TLK1: variants seen among roughly 807,000 people sequenced by gnomAD.
TLK1 encodes tousled like kinase 1.
A neutral mutation model predicts 105.3 loss-of-function variants in TLK1; 24 were observed. The observed-to-expected ratio is 0.23, with a 90% CI of 0.17 to 0.32. The LOEUF (loss-of-function observed/expected upper bound fraction) is 0.32. TLK1 is among the 10% of genes least tolerant of loss of function. The pLI is 1.00. For synonymous variants in TLK1, 321 were observed against 310.4 expected, an observed-to-expected ratio of 1.03 and a Z score of -0.36; for missense variants, 558 against 910.5, an observed-to-expected ratio of 0.61 and a Z score of 4.98.
At chr2:171,037,153 C>A (rs557799816) in intron 11 of TLK1, among the ~76,000 whole-genome samples, 2 of 152,092 alleles carry the variant, frequency 1.3e-5, no homozygotes, top group Non-Finnish European at 2.9e-5. Context: ...TATTAAGAAG[C>A]ATGATGGGCC....
rs575052200 is a variant in TLK1, at chr2:171,038,800, G to T, written c.1169+7374C>A. On this transcript the variant is annotated intron_variant, in intron 11 of 20. Transcript: ENST00000431350. ...TTTTTAAAAGAACATGTATTCTGCA[G>T]ATGTTGGGAGGTATTCTATATATGT... 2.0e-5 allele frequency among the ~76,000 whole-genome samples: 3 copies of T among 152,280 alleles called. No individual in the cohort carries two copies. In the East Asian group the frequency reaches 5.8e-4, roughly 29 times the overall value.
At chr2:171,151,257 C>T (rs895137307) in intron 1 of TLK1, among the ~76,000 whole-genome samples, 1 of 151,682 alleles carries the variant, frequency 6.6e-6, no homozygotes, top group Non-Finnish European at 1.5e-5. Flanking sequence ...GCGCTCAAGC[C>T]ATCTGCCCAC....
chr2:171,136,545 G>A (rs988128660), intron 1 of TLK1, among the ~76,000 whole-genome samples: 2 of 152,100 alleles, frequency 1.3e-5, no homozygotes, highest in African/African-American at 2.4e-5. Flanking sequence ...GTGAGACGCT[G>A]TCTCAAAAAA....
At chr2:171,062,460 T>TA (rs1356244673) in intron 3 of TLK1, among the ~76,000 whole-genome samples, 1 of 152,198 alleles carries the variant, frequency 6.6e-6, no homozygotes, top group Non-Finnish European at 1.5e-5. Context: ...CTTGAGTATT[T>TA]AAAGTTCTCC....
intron 1 of TLK1, among the ~76,000 whole-genome samples, chr2:171,181,324 A>T (rs1289206290): frequency 6.6e-6 from 1 of 152,198 alleles, no homozygotes; most frequent in African/African-American, 2.4e-5. Context: ...ACTCTGAAGC[A>T]TCTGAGAAAT....
In TLK1 at chr2:171,160,154, G is replaced by A. The variant is rs1692407594; in HGVS notation, c.139+136C>T. On this transcript the variant is annotated intron_variant, in intron 1 of 20. Coordinates refer to ENST00000431350, the MANE Select transcript of TLK1 (RefSeq NM_012290.5). The surrounding 1 kb of genome is among the most constrained non-coding windows in gnomAD (Gnocchi z 4.4). ...CAGAGCCGGGGAGCCGGGCGGCCTCGCGTCCACCTCGCCACCATCCCCCAC... is the reference window on the plus strand; with the variant it reads ...CAGAGCCGGGGAGCCGGGCGGCCTCACGTCCACCTCGCCACCATCCCCCAC... The A allele has an allele frequency of 1.1e-5, 11 of 1,015,352 alleles. No individual in the cohort carries two copies. The highest frequency in any genetic ancestry group is 1.0e-5 in the Non-Finnish European group (8 of 787,974). The allele number at this position is 1,015,352 out of a possible 1,614,324, so 62.9% of individuals were successfully genotyped here.
intron 14 of TLK1, among the ~76,000 whole-genome samples, chr2:171,011,153 G>A (rs1009164390): frequency 1.1e-4 from 17 of 151,854 alleles, no homozygotes; most frequent in Admixed American, 3.9e-4. Context: ...ACATGTGTGC[G>A]CCACCACACC....
At chr2:171,094,800 G>A (rs1273772573) in intron 2 of TLK1, among the ~76,000 whole-genome samples, 1 of 152,060 alleles carries the variant, frequency 6.6e-6, no homozygotes, top group Non-Finnish European at 1.5e-5. Context: ...TAGAGACAGG[G>A]TTTCACCATG....
At chr2:171,014,739 T>C in intron 13 of TLK1, 112 bp downstream of exon 13, 1 of 803,894 alleles carries the variant, frequency 1.2e-6, no homozygotes, top group Non-Finnish European at 2.0e-6. Flanking sequence ...GGACTTTGGA[T>C]CTTTTCTAAG....
chr2:171,173,770 T>A (rs558229155), intron 1 of TLK1, among the ~76,000 whole-genome samples: 3 of 152,120 alleles, frequency 2.0e-5, no homozygotes, highest in Non-Finnish European at 4.4e-5. Flanking sequence ...ACCCTATGCA[T>A]CTCCCCTTGG....
intron 1 of TLK1, among the ~76,000 whole-genome samples, chr2:171,210,582 A>G (rs1217421013): frequency 6.6e-6 from 1 of 152,246 alleles, no homozygotes; most frequent in East Asian, 1.9e-4. Context: ...GCTAAGCACC[A>G]CAGTAAACAA....
chr2:171,081,246 A>G (rs574285034), intron 3 of TLK1, among the ~76,000 whole-genome samples: 13 of 152,328 alleles, frequency 8.5e-5, no homozygotes, highest in Admixed American at 7.8e-4. Flanking sequence ...TATTAAATCT[A>G]TAACTTATAT....
At chr2:171,122,563 G>C (rs1690696329) in intron 1 of TLK1, among the ~76,000 whole-genome samples, 1 of 152,052 alleles carries the variant, frequency 6.6e-6, no homozygotes, top group Non-Finnish European at 1.5e-5. Context: ...TTTCTGTAAA[G>C]GGCCCAGTCA....
At chr2:171,127,936 C>T (rs1690938819) in intron 1 of TLK1, among the ~76,000 whole-genome samples, 1 of 152,104 alleles carries the variant, frequency 6.6e-6, no homozygotes, top group Non-Finnish European at 1.5e-5. Context: ...CCGAAGATTT[C>T]ACCCAAATGT....
In TLK1 at chr2:170,997,798, C is replaced by T; in HGVS notation, c.1930G>A (p.Val644Ile). Residue 644 changes from valine to isoleucine, a missense_variant, in exon 19 of 21, where the codon GTT (valine) becomes ATT (isoleucine). Transcript: ENST00000431350. ...GAAATCTTTGGTGGCTCTTTTCCAA[C>T]TACAAAACACTCAGGAGGTAAATAC... is the stretch of plus-strand genomic sequence containing the variant. ...YWYLPPECFV[V>I]GKEPPKISNK... is the part of the protein sequence containing the mutation. 6.2e-7 allele frequency: 1 copy of T among 1,610,604 alleles called. No homozygotes were observed. The highest frequency in any genetic ancestry group is 8.5e-7 in the Non-Finnish European group (1 of 1,177,954).
At chr2:171,151,953 G>C (rs1223507996) in intron 1 of TLK1, among the ~76,000 whole-genome samples, 2 of 152,120 alleles carry the variant, frequency 1.3e-5, no homozygotes. Context: ...AAGGAAAAAA[G>C]TAAAACATGT....
intron 1 of TLK1, among the ~76,000 whole-genome samples, chr2:171,122,042 G>A (rs1157822126): frequency 6.6e-6 from 1 of 152,188 alleles, no homozygotes; most frequent in Non-Finnish European, 1.5e-5. Flanking sequence ...CACCTCCTGG[G>A]TTCAAGCGAT....
At chr2:171,045,402 G>C (rs1307033887) in intron 11 of TLK1, 1 of 47,976 alleles carries the variant, frequency 2.1e-5, no homozygotes, top group African/African-American at 5.5e-5. Context: ...GCTAATTTTT[G>C]TATTTTCAGT....
At chr2:171,211,859 T>C (rs1693622991) in intron 1 of TLK1, among the ~76,000 whole-genome samples, 1 of 150,870 alleles carries the variant, frequency 6.6e-6, no homozygotes, top group African/African-American at 2.4e-5. Flanking sequence ...CTTTTTTTTT[T>C]TTTCAAGACA....
Sources: allele counts gnomAD v4.1 joint callset (sites outside exome capture counted in the v4.1 genomes callset), GRCh38; gene constraint gnomAD v4.1.1; non-coding constraint Gnocchi (gnomAD v3.1); transcripts MANE v1.5; gene names NCBI Gene and HGNC (gene_info 2026-07-23, HGNC 2026-07-21).